Variants in TSTD2 observed in about 807,000 individuals in gnomAD.
TSTD2 encodes the protein thiosulfate sulfurtransferase/rhodanese-like domain-containing protein 2.
TSTD2 carries 37 observed loss-of-function variants against 47.9 expected under a neutral mutation model. The observed-to-expected ratio is 0.77, with a 90% CI of 0.59 to 1.02. The LOEUF (loss-of-function observed/expected upper bound fraction) is 1.02. Among genes scored for constraint, TSTD2 ranks in the 50% least tolerant of loss-of-function variants. The pLI, the probability that TSTD2 is intolerant of heterozygous loss-of-function variation, is 0.00. For synonymous variants in TSTD2, 201 were observed against 215.9 expected (o/e 0.93, Z 0.61); for missense variants, 586 against 616.0 (o/e 0.95, Z 0.52).
chr9:97,619,146 T>C (rs1339798807), intron 3 of TSTD2, among the ~76,000 whole-genome samples: 1 of 152,212 alleles, frequency 6.6e-6, no homozygotes, highest in Non-Finnish European at 1.5e-5. Flanking sequence ...AGGCAGGCAT[T>C]ATTATTCCAA....
intron 8 of TSTD2, 55 bp from the exon 9 acceptor site, chr9:97,604,920 T>C: frequency 6.2e-7 from 1 of 1,600,926 alleles, no homozygotes; most frequent in Non-Finnish European, 8.5e-7. Flanking sequence ...CCTGTTAAGA[T>C]GCTCACGGAA....
intron 3 of TSTD2, among the ~76,000 whole-genome samples, chr9:97,619,327 C>T (rs958192107): frequency 3.3e-5 from 5 of 152,142 alleles, no homozygotes; most frequent in East Asian, 1.9e-4. Context: ...GTGAGCAACG[C>T]GGGTTTGAAC....
At chr9:97,612,619 A>C (rs1024816217) in intron 4 of TSTD2, among the ~76,000 whole-genome samples, 6 of 152,240 alleles carry the variant, frequency 3.9e-5, no homozygotes, top group African/African-American at 1.4e-4. Flanking sequence ...GCAATAGCAC[A>C]ATCTCGGCTC....
chr9:97,601,190 C>G lies in TSTD2; in HGVS notation c.*1279G>C. 1 of 1,297,512 alleles carries G rather than the reference C, an allele frequency of 7.7e-7. No homozygotes were observed. The highest frequency in any genetic ancestry group is 1.0e-6 in the Non-Finnish European group (1 of 985,112). The allele number at this position is 1,297,512 out of a possible 1,614,324, so 80.4% of individuals were successfully genotyped here. A position where few individuals can be genotyped will look rare whatever the true frequency, so the allele number is the denominator to read the frequency against. On this transcript the variant is annotated 3_prime_UTR_variant, in exon 10 of 10. Transcript: ENST00000341170. ...CCCCATTTGGCTTCTCCTTAAAACA[C>G]AATTGCAGCTGCATTCTGCATCGCT...
chr9:97,603,849 C>T lies in TSTD2; in HGVS notation c.1252+878G>A, dbSNP rs1826317458. 2.0e-5 allele frequency among the ~76,000 whole-genome samples: 3 copies of T among 152,152 alleles called. No homozygotes were observed. The South Asian group carries it at 6.2e-4, about 32-fold the overall frequency. The stretch of plus-strand genomic sequence containing the variant: ...TGAGTATCTGGTACACACCACCATG[C>T]TCAGCTAATTTAAAAAAGTTTTTGT... On this transcript the variant is annotated intron_variant, in intron 9 of 9. Coordinates refer to ENST00000341170, the MANE Select transcript of TSTD2 (RefSeq NM_139246.5).
At position 97,601,294 on chromosome 9, in the gene TSTD2, C is replaced by T. The variant is rs14066; in HGVS notation, c.*1175G>A. The T allele has an allele frequency of 0.027, 32,065 of 1,186,168 alleles. 4,964 individuals carry two copies. The African/African-American group carries it at 0.37, about 14-fold the overall frequency. The allele number at this position is 1,186,168 out of a possible 1,614,324, so 73.5% of individuals were successfully genotyped here. ...TTTCTTGGAACCTGTGTGACAGGGA[C>T]ATGTGCCTGGCACACTGGCCAGAAG... is the stretch of plus-strand genomic sequence containing the variant. On this transcript the variant is annotated 3_prime_UTR_variant, in exon 10 of 10. Coordinates refer to ENST00000341170, the MANE Select transcript of TSTD2 (RefSeq NM_139246.5).
chr9:97,610,386 G>C lies in TSTD2; in HGVS notation c.795C>G (p.Pro265=), dbSNP rs146173636. ...LRVGVFEEIV[P]MGISPKKISY... Reference sequence around the variant, plus strand: ...AGATCTTTTTGGGGCTGATCCCCATGGGCACGATTTCTTCAAATACACCAA... The same window carrying C: ...AGATCTTTTTGGGGCTGATCCCCATCGGCACGATTTCTTCAAATACACCAA... The change falls in exon 6 of 10, where the codon CCC becomes CCG. Residue 265 remains proline (P), a synonymous_variant. Transcript: ENST00000341170. 171 of 1,602,590 alleles carry C rather than the reference G, an allele frequency of 1.1e-4. No homozygotes were observed. In the African/African-American group the frequency reaches 1.9e-3, roughly 18 times the overall value.
At chr9:97,607,785 T>C (rs1826388630) in intron 6 of TSTD2, among the ~76,000 whole-genome samples, 1 of 152,042 alleles carries the variant, frequency 6.6e-6, no homozygotes, top group African/African-American at 2.4e-5. Flanking sequence ...TTCCTTTAGC[T>C]CCCAGCTACT....
At chr9:97,607,887 A>G (rs1826391030) in intron 6 of TSTD2, among the ~76,000 whole-genome samples, 1 of 152,068 alleles carries the variant, frequency 6.6e-6, no homozygotes, top group South Asian at 2.1e-4. Flanking sequence ...ACTCCGTCTC[A>G]AAAAAAGGCC....
chr9:97,605,997 T>TTGGG, intron 7 of TSTD2, 146 bp downstream of exon 7: 1 of 715,406 alleles, frequency 1.4e-6, no homozygotes, highest in South Asian at 1.6e-5. Flanking sequence ...GTTTTAGGAC[T>TTGGG]TGGGTTTTCT....
rs117165342 is a variant in TSTD2 at position 97,622,675 on chromosome 9, G to A, written c.482+3006C>T. On this transcript the variant is annotated intron_variant, in intron 3 of 9. Coordinates refer to ENST00000341170, the MANE Select transcript of TSTD2 (RefSeq NM_139246.5). ...CCCGCAAAGCCACAAAGGCGGAGTT[G>A]CCCAGTATCATGGGAACCAATCTCT... is the stretch of plus-strand genomic sequence containing the variant. Among the ~76,000 whole-genome samples the A allele has an allele frequency of 1.4e-4, 21 of 152,366 alleles. No homozygotes were observed. In the East Asian group the frequency reaches 3.5e-3, roughly 25 times the overall value.
At position 97,621,760 on chromosome 9, in the gene TSTD2, A is replaced by G. The variant is rs534952333; in HGVS notation, c.483-3883T>C. Among the ~76,000 whole-genome samples the G allele has an allele frequency of 3.9e-5, 6 of 152,342 alleles. No individual in the cohort carries two copies. In the East Asian group the frequency reaches 1.2e-3, roughly 29 times the overall value. On this transcript the variant is annotated intron_variant, in intron 3 of 9. Coordinates refer to ENST00000341170, the MANE Select transcript of TSTD2 (RefSeq NM_139246.5). Reference sequence around the variant, plus strand: ...CCTGTTTCCTGTTAAGATGTTTATTAAAGACAATGCGTGCACAGTGGGACA... The same window carrying G: ...CCTGTTTCCTGTTAAGATGTTTATTGAAGACAATGCGTGCACAGTGGGACA...
At chr9:97,611,811 C>T (rs926793128) in intron 4 of TSTD2, 112 bp from the exon 5 acceptor site, 76 of 1,094,556 alleles carry the variant, frequency 6.9e-5, no homozygotes, top group East Asian at 6.0e-4. Context: ...AAAGCAGAGA[C>T]GCTGATGAGG....
At position 97,627,465 on chromosome 9, in the gene TSTD2, G is replaced by C; in HGVS notation, c.98C>G (p.Pro33Arg). 1 of 1,612,448 alleles carries C rather than the reference G, an allele frequency of 6.2e-7. No homozygotes were observed. The highest frequency in any genetic ancestry group is 1.1e-5 in the South Asian group (1 of 90,906). ...LDLKDMSLIN[P>R]SSSLKAELDG... ...TAATTCTGCTTTAAGACTGCTGCTG[G>C]GATTAATAAGACTCATATCTTTTAA... The change falls in exon 2 of 10, where the codon CCC (proline) becomes CGC (arginine). Residue 33 changes from proline to arginine, a missense_variant. Coordinates refer to ENST00000341170, the MANE Select transcript of TSTD2 (RefSeq NM_139246.5).
chr9:97,626,922 C>T (rs1380901622), intron 2 of TSTD2, among the ~76,000 whole-genome samples: 1 of 79,278 alleles, frequency 1.3e-5, no homozygotes, highest in Non-Finnish European at 2.6e-5. Flanking sequence ...AAATGCTACC[C>T]TATTTTTTTT....
Position 97,606,153 on chromosome 9 carries a change from T to C in TSTD2, c.944A>G (p.Glu315Gly). The C allele has an allele frequency of 3.1e-6, 5 of 1,607,188 alleles. No individual in the cohort carries two copies. The highest frequency in any genetic ancestry group is 4.3e-6 in the Non-Finnish European group (5 of 1,175,578). ...TILLDCRNFY[E>G]SKIGRFQGCL... ...CTGGCTTTTACTTACTATTTTGCTT[T>C]CATAGAAGTTTCTGCAATCAAGAAG... Residue 315 changes from glutamate to glycine, a missense_variant, in exon 7 of 10, where the codon GAA becomes GGA. Transcript: ENST00000341170.
chr9:97,617,277 G>A (rs1342159079), intron 4 of TSTD2, among the ~76,000 whole-genome samples: 1 of 152,172 alleles, frequency 6.6e-6, no homozygotes, highest in African/African-American at 2.4e-5. Flanking sequence ...CCCTGAGCTG[G>A]TAAATGACCC....
rs1826734730 is a variant in TSTD2 at position 97,627,097 on chromosome 9, CT to C, written c.165+300del. On this transcript the variant is annotated intron_variant, in intron 2 of 9. Coordinates refer to ENST00000341170, the MANE Select transcript of TSTD2 (RefSeq NM_139246.5). ...ATCTTTTGTTGATCATAATTACCAA[CT>C]TTTTTCTTCACTTGTCATTTGGTTT... 2.6e-5 allele frequency among the ~76,000 whole-genome samples: 4 copies of C among 152,212 alleles called. No individual in the cohort carries two copies. In the South Asian group the frequency reaches 8.3e-4, roughly 32 times the overall value.
intron 3 of TSTD2, among the ~76,000 whole-genome samples, chr9:97,618,953 C>T (rs776709731): frequency 9.2e-5 from 14 of 152,118 alleles, no homozygotes; most frequent in African/African-American, 2.7e-4. Flanking sequence ...TTATGTAACC[C>T]GTTATCATCT....
Sources: gnomAD v4.1 joint callset for allele counts (sites outside exome capture counted in the v4.1 genomes callset) on GRCh38, gnomAD v4.1.1 for gene constraint, MANE v1.5 for transcripts, NCBI Gene and HGNC (gene_info 2026-07-23, HGNC 2026-07-21) for gene names.